Variants in RIN2 observed in about 807,000 individuals in gnomAD.
RIN2 encodes the protein Ras and Rab interactor 2.
Under a neutral mutation model 78.0 loss-of-function variants are expected in RIN2, and 36 were observed. The ratio of observed to expected loss-of-function variants is 0.46; its 90% confidence interval spans 0.35 to 0.61. RIN2 has a LOEUF of 0.61. Among genes scored for constraint, RIN2 ranks in the 20% least tolerant of loss-of-function variants. The probability of loss-of-function intolerance (pLI) is 0.00; values close to 1 mark genes in which losing one functional copy is unlikely to be tolerated. For synonymous variants in RIN2, 466 were observed against 466.8 expected, an observed-to-expected ratio of 1.00 and a Z score of 0.02; for missense variants, 1,087 against 1,159.7, an observed-to-expected ratio of 0.94 and a Z score of 0.91.
chr20:19,967,384 C>G (rs1033311207), intron 7 of RIN2, among the ~76,000 whole-genome samples: 1 of 152,110 alleles, frequency 6.6e-6, no homozygotes, highest in Non-Finnish European at 1.5e-5. Context: ...ATGTTCTTGG[C>G]AATTGGTAGT....
chr20:19,811,045 T>TA (rs67108678), intron 2 of RIN2, among the ~76,000 whole-genome samples: 23 of 149,002 alleles, frequency 1.5e-4, no homozygotes, highest in East Asian at 5.9e-4. Context: ...TTGTTTAATA[T>TA]AAAAAAAAAA....
chr20:19,950,773 C>A (rs1317148842), intron 4 of RIN2, among the ~76,000 whole-genome samples: 3 of 151,994 alleles, frequency 2.0e-5, no homozygotes, highest in Non-Finnish European at 4.4e-5. Flanking sequence ...TGCAATGGTG[C>A]AGTCTGGCTC....
chr20:19,913,601 A>G (rs926271246), intron 3 of RIN2, among the ~76,000 whole-genome samples: 1 of 151,318 alleles, frequency 6.6e-6, no homozygotes, highest in Non-Finnish European at 1.5e-5. Context: ...CTTTTCCTCA[A>G]CCCCTGGTAA....
intron 11 of RIN2, among the ~76,000 whole-genome samples, chr20:19,995,267 AAAAAAAAAAAAC>A (rs945443890): frequency 4.0e-5 from 6 of 151,236 alleles, no homozygotes; most frequent in African/African-American, 1.5e-4. Context: ...TTTTTAAAAA[AAAAAAAAAAAAC>A]AAAACACATT....
chr20:19,930,756 A>T (rs1443279067), intron 3 of RIN2, among the ~76,000 whole-genome samples: 1 of 151,224 alleles, frequency 6.6e-6, no homozygotes, highest in Non-Finnish European at 1.5e-5. Flanking sequence ...ACGTACCCAA[A>T]CTCCCCTCAA....
intron 2 of RIN2, among the ~76,000 whole-genome samples, chr20:19,822,553 T>C (rs1362645896): frequency 2.6e-5 from 4 of 152,214 alleles, no homozygotes; most frequent in Non-Finnish European, 5.9e-5. Context: ...TTCCATCCGG[T>C]ATTAGAATTA....
intron 2 of RIN2, among the ~76,000 whole-genome samples, chr20:19,887,955 C>T (rs1473970797): frequency 2.6e-5 from 4 of 152,188 alleles, no homozygotes; most frequent in African/African-American, 7.2e-5. Context: ...GCTCCCATTC[C>T]GTCCCTAGTT....
chr20:19,990,281 C>G lies in RIN2; in HGVS notation c.2038C>G (p.Leu680Val). ...KVMLLLRVCK[L>V]IYTVMENNSG... ...CATGCTGCTGCTGCGGGTCTGCAAG[C>G]TCATTTACACGGTCATGGAGAACAA... Residue 680 changes from leucine (L) to valine (V), a missense_variant, in exon 10 of 13, where the codon CTC becomes GTC. This residue lies in a region of RIN2 where 97 missense variants were observed against 104.8 expected (regional missense o/e 0.93). Coordinates refer to ENST00000255006, the MANE Select transcript of RIN2 (RefSeq NM_018993.4). 1 of 1,613,636 alleles carries G rather than the reference C, an allele frequency of 6.2e-7. No individual in the cohort carries two copies. The highest frequency in any genetic ancestry group is 8.5e-7 in the Non-Finnish European group (1 of 1,179,704).
chr20:19,837,404 T>G (rs1379765864), intron 2 of RIN2, among the ~76,000 whole-genome samples: 1 of 152,248 alleles, frequency 6.6e-6, no homozygotes, highest in African/African-American at 2.4e-5. Flanking sequence ...ATCTCTTTCT[T>G]AATCTTCACT....
chr20:19,781,561 G>A (rs1353605359), intron 1 of RIN2, among the ~76,000 whole-genome samples: 3 of 152,084 alleles, frequency 2.0e-5, no homozygotes, highest in Non-Finnish European at 4.4e-5. Context: ...TGAAATAGCT[G>A]GGATTACAGG....
At chr20:19,849,913 A>G (rs187671439) in intron 2 of RIN2, among the ~76,000 whole-genome samples, 2 of 152,170 alleles carry the variant, frequency 1.3e-5, no homozygotes, top group African/African-American at 4.8e-5. Flanking sequence ...TTAAAGATCG[A>G]AATTTTCCCT....
At chr20:19,824,190 G>C (rs1448751067) in intron 2 of RIN2, among the ~76,000 whole-genome samples, 2 of 152,174 alleles carry the variant, frequency 1.3e-5, no homozygotes, top group Non-Finnish European at 2.9e-5. Flanking sequence ...CTTCCTGTAA[G>C]AACAAGCCTA....
intron 2 of RIN2, among the ~76,000 whole-genome samples, chr20:19,882,398 A>T (rs1339943502): frequency 6.6e-6 from 1 of 152,246 alleles, no homozygotes; most frequent in Non-Finnish European, 1.5e-5. Context: ...TTAAAATTAA[A>T]TGAATAGCTA....
intron 2 of RIN2, among the ~76,000 whole-genome samples, chr20:19,883,021 T>C (rs2038072282): frequency 6.6e-6 from 1 of 152,190 alleles, no homozygotes; most frequent in Non-Finnish European, 1.5e-5. Flanking sequence ...ACTCAGATTT[T>C]TGACGGCTCA....
intron 1 of RIN2, among the ~76,000 whole-genome samples, chr20:19,777,993 TACAGA>T (rs930339369): frequency 4.6e-5 from 7 of 152,254 alleles, no homozygotes; most frequent in African/African-American, 1.7e-4. Flanking sequence ...CTAACGATGC[TACAGA>T]AGCTGTATTT....
At chr20:19,835,957 T>G (rs2036408122) in intron 2 of RIN2, among the ~76,000 whole-genome samples, 1 of 152,220 alleles carries the variant, frequency 6.6e-6, no homozygotes, top group African/African-American at 2.4e-5. Context: ...CTCTGAGCTC[T>G]GGGCACTGTG....
chr20:19,822,776 A>G (rs1278829814), intron 2 of RIN2, among the ~76,000 whole-genome samples: 1 of 152,202 alleles, frequency 6.6e-6, no homozygotes, highest in Non-Finnish European at 1.5e-5. Flanking sequence ...ATGCTAATAT[A>G]TGCATTATTA....
chr20:19,830,952 C>T, intron 2 of RIN2, among the ~76,000 whole-genome samples: 1 of 152,368 alleles, frequency 6.6e-6, no homozygotes, highest in Middle Eastern at 3.4e-3. Flanking sequence ...AACCTCATCT[C>T]CATGTCCCCG....
At chr20:19,876,243 C>T (rs1426808184) in intron 2 of RIN2, among the ~76,000 whole-genome samples, 1 of 152,094 alleles carries the variant, frequency 6.6e-6, no homozygotes, top group East Asian at 1.9e-4. Flanking sequence ...AGTTGCAATC[C>T]AGAAATAATG....
Sources: gnomAD v4.1 joint callset for allele counts (sites outside exome capture counted in the v4.1 genomes callset) on GRCh38, gnomAD v4.1.1 for gene constraint, gnomAD v4.1.1 regional missense constraint, MANE v1.5 for transcripts, NCBI Gene and HGNC (gene_info 2026-07-23, HGNC 2026-07-21) for gene names.